PKNOX2: variants seen among roughly 807,000 people sequenced by gnomAD.
PKNOX2 encodes the protein homeobox protein PKNOX2.
Under a neutral mutation model 53.1 loss-of-function variants are expected in PKNOX2, and 14 were observed. That is an observed-to-expected ratio of 0.26 (90% CI 0.17 to 0.41). The LOEUF (loss-of-function observed/expected upper bound fraction) is 0.41, where lower values mean the gene tolerates loss of function less well. Among genes scored for constraint, PKNOX2 ranks in the 10% least tolerant of loss-of-function variants. The pLI, the probability that PKNOX2 is intolerant of heterozygous loss-of-function variation, is 1.00. For missense variants in PKNOX2, 496 were observed against 602.8 expected (o/e 0.82, Z 1.85); for synonymous variants, 257 against 242.8 (o/e 1.06, Z -0.54).
rs1023465777 is a variant in PKNOX2, at chr11:125,431,387, G to T, written c.1414G>T (p.Glu472Ter). ...GGGCTTGGAACACAGTGACTCCCTG[G>T]AGTAGTCGGGCAGCCCAGATGGCAC... The part of the protein sequence containing the change: ...DLGLEHSDSL[E>*] The change falls in exon 13 of 13, where the codon GAG becomes TAG. Residue 472 changes from glutamate (E) to a stop codon, truncating the protein, a stop_gained. Coordinates refer to ENST00000298282, the MANE Select transcript of PKNOX2 (RefSeq NM_001382323.2). LOFTEE classifies it high-confidence loss of function. 1.2e-6 allele frequency: 2 copies of T among 1,600,512 alleles called. No homozygotes were observed. Among genetic ancestry groups the T allele is most frequent in the African/African-American group, 2.7e-5 (2 of 74,248 alleles).
intron 2 of PKNOX2, among the ~76,000 whole-genome samples, chr11:125,236,239 C>CT (rs1565476017): frequency 1.7e-4 from 26 of 152,194 alleles, no homozygotes; most frequent in Non-Finnish European, 5.9e-5. Context: ...GATTCAGCGC[C>CT]GGTCGCCTCT....
At chr11:125,309,585 A>G (rs976106465) in intron 2 of PKNOX2, among the ~76,000 whole-genome samples, 4 of 152,008 alleles carry the variant, frequency 2.6e-5, no homozygotes, top group South Asian at 2.1e-4. Context: ...ACAGGGTTTC[A>G]CCATGTTGGC....
chr11:125,424,834 T>G (rs954285276), intron 10 of PKNOX2, among the ~76,000 whole-genome samples: 5 of 152,214 alleles, frequency 3.3e-5, no homozygotes, highest in African/African-American at 1.2e-4. Context: ...AGCTTCCTTC[T>G]GAACCAGCCC....
intron 2 of PKNOX2, among the ~76,000 whole-genome samples, chr11:125,305,593 A>C (rs887353252): frequency 6.6e-6 from 1 of 152,046 alleles, no homozygotes; most frequent in African/African-American, 2.4e-5. Context: ...CACGGCACCC[A>C]CTCCAGCTCA....
intron 2 of PKNOX2, among the ~76,000 whole-genome samples, chr11:125,265,496 C>G (rs1945255209): frequency 6.6e-6 from 1 of 152,222 alleles, no homozygotes; most frequent in Non-Finnish European, 1.5e-5. Context: ...TGCCACACAC[C>G]TGACCCACTC....
intron 4 of PKNOX2, among the ~76,000 whole-genome samples, chr11:125,356,104 T>C (rs1490864186): frequency 1.3e-5 from 2 of 150,282 alleles, no homozygotes; most frequent in African/African-American, 2.4e-5. Context: ...CCTTGGCTTA[T>C]TAGCAAGACA....
At chr11:125,291,419 C>G (rs1033832645) in intron 2 of PKNOX2, among the ~76,000 whole-genome samples, 3 of 152,124 alleles carry the variant, frequency 2.0e-5, no homozygotes, top group Admixed American at 6.5e-5. Flanking sequence ...CTCCCAGGAC[C>G]AAGGTGCACA....
chr11:125,299,572 T>G (rs10466538), intron 2 of PKNOX2, among the ~76,000 whole-genome samples: 23,856 of 151,902 alleles, frequency 0.16, 2,000 homozygotes, highest in East Asian at 0.25. Context: ...CCTTAGACAA[T>G]CCATTAGCAT....
intron 1 of PKNOX2, among the ~76,000 whole-genome samples, chr11:125,171,727 C>T (rs548048929): frequency 1.6e-4 from 24 of 152,350 alleles, no homozygotes; most frequent in Non-Finnish European, 2.2e-4. Flanking sequence ...AGGTCACTGG[C>T]GTCTTCAACC....
intron 2 of PKNOX2, among the ~76,000 whole-genome samples, chr11:125,238,415 A>G (rs1006834369): frequency 1.3e-5 from 2 of 152,180 alleles, no homozygotes; most frequent in African/African-American, 2.4e-5. Flanking sequence ...CCCTCACACT[A>G]TGTTATGGGA....
At chr11:125,348,738 G>A (rs1361034630) in intron 3 of PKNOX2, among the ~76,000 whole-genome samples, 1 of 152,214 alleles carries the variant, frequency 6.6e-6, no homozygotes, top group East Asian at 1.9e-4. Flanking sequence ...AAAAGAATGT[G>A]AATGAAAGGC....
At chr11:125,291,033 G>A (rs1036842045) in intron 2 of PKNOX2, among the ~76,000 whole-genome samples, 4 of 152,186 alleles carry the variant, frequency 2.6e-5, no homozygotes, top group African/African-American at 9.7e-5. Context: ...CATTCCAATG[G>A]CAGAGGCAGA....
Position 125,410,797 on chromosome 11 carries a change from C to T in PKNOX2, c.737C>T (p.Pro246Leu). ...TCCTCAGGTGGAGCCTTATACCAAC[C>T]GGTTACCATGGTAACCTCCCAGGGT... ...QVVSGGALYQPVTMVTSQGQV... is the reference protein window; with the variant it reads ...QVVSGGALYQLVTMVTSQGQV... Residue 246 changes from proline to leucine, a missense_variant, in exon 9 of 13, where the codon CCG becomes CTG. By Grantham distance (98) the Pro-to-Leu change is moderately conservative. Coordinates refer to ENST00000298282, the MANE Select transcript of PKNOX2 (RefSeq NM_001382323.2). The T allele has an allele frequency of 6.2e-7, 1 of 1,613,970 alleles. No individual in the cohort carries two copies. Among genetic ancestry groups the T allele is most frequent in the Non-Finnish European group, 8.5e-7 (1 of 1,179,902 alleles).
In PKNOX2 at chr11:125,368,004, G is replaced by C; in HGVS notation, c.227+19G>C. ...TATACAGGTAGGAGACACTTCAGCTGTGTCTACAGCCCTCAACCAGCTTCA... is the reference window on the plus strand; with the variant it reads ...TATACAGGTAGGAGACACTTCAGCTCTGTCTACAGCCCTCAACCAGCTTCA... On this transcript the variant is annotated intron_variant, in intron 5 of 12. Coordinates refer to ENST00000298282, the MANE Select transcript of PKNOX2 (RefSeq NM_001382323.2). 1 of 1,609,762 alleles carries C rather than the reference G, an allele frequency of 6.2e-7. No homozygotes were observed. The highest frequency in any genetic ancestry group is 8.5e-7 in the Non-Finnish European group (1 of 1,178,080).
At chr11:125,419,848 T>G (rs1281884499) in intron 10 of PKNOX2, among the ~76,000 whole-genome samples, 1 of 136,468 alleles carries the variant, frequency 7.3e-6, no homozygotes, top group East Asian at 2.1e-4. Flanking sequence ...CTGAGCAACA[T>G]AGCGAGACCT....
chr11:125,280,215 A>G (rs1046491511), intron 2 of PKNOX2, among the ~76,000 whole-genome samples: 11 of 151,302 alleles, frequency 7.3e-5, no homozygotes, highest in African/African-American at 9.7e-5. Flanking sequence ...TGGTGAAGCG[A>G]GATAATTGCA....
intron 3 of PKNOX2, among the ~76,000 whole-genome samples, chr11:125,339,757 G>C (rs887879595): frequency 1.3e-5 from 2 of 152,246 alleles, no homozygotes; most frequent in South Asian, 2.1e-4. Context: ...CCTGGCTTTC[G>C]TATGTGCCCC....
chr11:125,175,511 C>A (rs558583051), intron 1 of PKNOX2, among the ~76,000 whole-genome samples: 72 of 152,364 alleles, frequency 4.7e-4, no homozygotes, highest in African/African-American at 1.6e-3. Context: ...GTGAAGGCCA[C>A]AGACGAGTGG....
chr11:125,333,157 TGAA>T (rs967251226), intron 3 of PKNOX2, among the ~76,000 whole-genome samples: 19 of 152,132 alleles, frequency 1.2e-4, no homozygotes, highest in Middle Eastern at 3.2e-3. Context: ...GGGCAGGGAT[TGAA>T]GAAGATGGGA....
Sources: gnomAD v4.1 joint callset for allele counts (sites outside exome capture counted in the v4.1 genomes callset) on GRCh38, gnomAD v4.1.1 for gene constraint, MANE v1.5 for transcripts, NCBI Gene and HGNC (gene_info 2026-07-23, HGNC 2026-07-21) for gene names.